The following CD3G variants were observed in gnomAD, a reference collection of about 807,000 sequenced individuals.
The protein encoded by CD3G is T-cell surface glycoprotein CD3 gamma chain.
CD3G carries 24 observed loss-of-function variants against 28.3 expected under a neutral mutation model. The observed-to-expected ratio is 0.85, with a 90% CI of 0.61 to 1.19. CD3G has a LOEUF of 1.19. Among genes scored for constraint, CD3G ranks in the 50% most tolerant of loss-of-function variants. CD3G has a pLI of 0.00. For synonymous variants in CD3G, 71 were observed against 75.9 expected (o/e 0.93, Z 0.34); for missense variants, 211 against 210.0 (o/e 1.00, Z -0.03).
intron 1 of CD3G, among the ~76,000 whole-genome samples, chr11:118,348,590 T>C (rs1948377458): frequency 1.3e-5 from 2 of 152,150 alleles, no homozygotes; most frequent in South Asian, 4.1e-4. Context: ...GCATGATTGA[T>C]TGAATCATTG....
At position 118,354,894 on chromosome 11, in the gene CD3G, C is replaced by G. The variant is rs1386049293; in HGVS notation, c.*1794C>G. The G allele has an allele frequency of 6.6e-6, 1 of 151,928 alleles. No individual in the cohort carries two copies. The highest frequency in any genetic ancestry group is 1.5e-5 in the Non-Finnish European group (1 of 67,996). The allele number at this position is 151,928 out of a possible 1,614,324, so 9.4% of individuals were successfully genotyped here. ...TATATGATTTGGAAATATTTTCTAC[C>G]AATCTGTGGTTTGTTTTTCTTAATG... is the stretch of plus-strand genomic sequence containing the variant. On this transcript the variant is annotated 3_prime_UTR_variant, in exon 7 of 7. Transcript: ENST00000532917.
chr11:118,350,620 A>G lies in CD3G; in HGVS notation c.376A>G (p.Ile126Val). 1 of 1,614,014 alleles carries G rather than the reference A, an allele frequency of 6.2e-7. No individual in the cohort carries two copies. The highest frequency in any genetic ancestry group is 1.1e-5 in the South Asian group (1 of 91,058). The change falls in exon 4 of 7, where the codon ATT (isoleucine) becomes GTT (valine). Residue 126 changes from isoleucine (I) to valine (V), a missense_variant. Physicochemically the swap from Ile to Val is conservative, Grantham distance 29 (BLOSUM62 3). Coordinates refer to ENST00000532917, the MANE Select transcript of CD3G (RefSeq NM_000073.3). ...SGFLFAEIVS[I>V]FVLAVGVYFI... is the part of the protein sequence containing the mutation. ...CTTTCTCTTTGCTGAAATCGTCAGC[A>G]TTTTCGTCCTTGCTGTTGGGGTCTA...
chr11:118,349,990 C>A lies in CD3G; in HGVS notation c.307+20C>A. ...ACAGAAGTATGTAATCCCCTTTGGT[C>A]TGTTTGTTGTGAAATTAATCAGTAT... is the stretch of plus-strand genomic sequence containing the variant. On this transcript the variant is annotated intron_variant, in intron 3 of 6. Transcript: ENST00000532917. 6.3e-7 allele frequency: 1 copy of A among 1,587,044 alleles called. No homozygotes were observed. Among genetic ancestry groups the A allele is most frequent in the South Asian group, 1.1e-5 (1 of 90,312 alleles).
chr11:118,344,919 G>A (rs1487042472), intron 1 of CD3G, among the ~76,000 whole-genome samples: 2 of 152,202 alleles, frequency 1.3e-5, no homozygotes, highest in African/African-American at 4.8e-5. Context: ...TATGCCATGA[G>A]GAAATAAAAA....
Position 118,352,435 on chromosome 11 carries a change from G to T in CD3G, c.515G>T (p.Ser172Ile), listed in dbSNP as rs993187722. The change falls in exon 6 of 7, where the codon AGC (serine) becomes ATC (isoleucine). Residue 172 changes from serine to isoleucine, a missense_variant. Transcript: ENST00000532917. Reference protein sequence around the residue: ...PLKDREDDQYSHLQGNQLRRN With the variant: ...PLKDREDDQYIHLQGNQLRRN The stretch of plus-strand genomic sequence containing the variant: ...AAGGATCGAGAAGATGACCAGTACA[G>T]CCACCTTCAAGGAAACCAGTTGAGG... 6.2e-6 allele frequency: 10 copies of T among 1,613,990 alleles called. No individual in the cohort carries two copies. In the African/African-American group the frequency reaches 1.1e-4, roughly 17 times the overall value.
Position 118,349,096 on chromosome 11 carries a change from G to A in CD3G, c.79+46G>A, listed in dbSNP as rs116282430. The A allele has an allele frequency of 5.8e-4, 939 of 1,614,008 alleles. 8 individuals carry two copies. In the African/African-American group the frequency reaches 0.011, roughly 18 times the overall value. On this transcript the variant is annotated intron_variant, in intron 2 of 6. Coordinates refer to ENST00000532917, the MANE Select transcript of CD3G (RefSeq NM_000073.3). ...CTATACTCAGACTCAGAATATTGAC[G>A]GAAATTTGGCTTCCTACAACAGTAG... is the stretch of plus-strand genomic sequence containing the variant.
intron 1 of CD3G, 74 bp from the exon 2 acceptor site, chr11:118,348,953 A>T: frequency 2.6e-6 from 4 of 1,526,518 alleles, no homozygotes; most frequent in Non-Finnish European, 3.6e-6. Context: ...GCCTCAAATA[A>T]CCATGGAAAT....
Position 118,344,498 on chromosome 11 carries a change from C to T in CD3G, c.55+20C>T, listed in dbSNP as rs370839678. The T allele has an allele frequency of 1.9e-6, 3 of 1,553,642 alleles. No homozygotes were observed. Among genetic ancestry groups the T allele is most frequent in the African/African-American group, 2.7e-5 (2 of 73,590 alleles). On this transcript the variant is annotated intron_variant, in intron 1 of 6. Transcript: ENST00000532917. ...TTCAAGGTAAGGGCCTACTAGGGGTCTGGAAGCCTGGGGAAGGGCTCAAGG... is the reference window on the plus strand; with the variant it reads ...TTCAAGGTAAGGGCCTACTAGGGGTTTGGAAGCCTGGGGAAGGGCTCAAGG...
intron 4 of CD3G, 89 bp downstream of exon 4, chr11:118,350,772 T>C: frequency 6.2e-7 from 1 of 1,605,118 alleles, no homozygotes; most frequent in African/African-American, 1.3e-5. Context: ...AGAGACTGAG[T>C]TGGTGCTTCT....
At chr11:118,346,309 T>C (rs931435612) in intron 1 of CD3G, among the ~76,000 whole-genome samples, 3 of 151,998 alleles carry the variant, frequency 2.0e-5, no homozygotes, top group African/African-American at 7.3e-5. Flanking sequence ...TGGTGGTGGG[T>C]GCCTGTAATC....
rs1396439255 is a variant in CD3G, at chr11:118,354,185, C to G, written c.*1085C>G. On this transcript the variant is annotated 3_prime_UTR_variant, in exon 7 of 7. Coordinates refer to ENST00000532917, the MANE Select transcript of CD3G (RefSeq NM_000073.3). ...ATAATGTACATGCCATAAAATCCACCCATCTTAAGTGATTTCACCTGTTCT... is the reference window on the plus strand; with the variant it reads ...ATAATGTACATGCCATAAAATCCACGCATCTTAAGTGATTTCACCTGTTCT... 6.6e-6 allele frequency: 1 copy of G among 152,024 alleles called. No individual in the cohort carries two copies. Among genetic ancestry groups the G allele is most frequent in the Non-Finnish European group, 1.5e-5 (1 of 68,012 alleles). The allele number at this position is 152,024 out of a possible 1,614,324, so 9.4% of individuals were successfully genotyped here.
In CD3G at chr11:118,351,502, A is replaced by T; in HGVS notation, c.440-126A>T. 6.0e-6 allele frequency: 5 copies of T among 836,768 alleles called. No homozygotes were observed. The South Asian group carries it at 7.1e-5, about 12-fold the overall frequency. The allele number at this position is 836,768 out of a possible 1,614,324, so 51.8% of individuals were successfully genotyped here. ...GCTTCTTTCACTCAACAACATGTTTATGTGCTTTATCCATACTCTTGTGTA... is the reference window on the plus strand; with the variant it reads ...GCTTCTTTCACTCAACAACATGTTTTTGTGCTTTATCCATACTCTTGTGTA... On this transcript the variant is annotated intron_variant, in intron 4 of 6. Transcript: ENST00000532917.
intron 4 of CD3G, chr11:118,350,889 G>GGAA: frequency 4.8e-6 from 3 of 628,666 alleles, no homozygotes; most frequent in African/African-American, 2.8e-5. Flanking sequence ...CTCCCTCTGT[G>GGAA]AAAAAAAAAA....
In CD3G at chr11:118,349,852, C is replaced by T. The variant is rs180793518; in HGVS notation, c.189C>T (p.Gly63=). ...GGTTTAAAGATGGGAAGATGATCGG[C>T]TTCCTAACTGAAGATAAAAAAAAAT... ...ITWFKDGKMI[G]FLTEDKKKWN... The change falls in exon 3 of 7, where the codon GGC becomes GGT. Residue 63 remains glycine, a synonymous_variant. Transcript: ENST00000532917. 24 of 1,614,006 alleles carry T rather than the reference C, an allele frequency of 1.5e-5. No homozygotes were observed. In the Admixed American group the frequency reaches 2.5e-4, roughly 17 times the overall value.
intron 3 of CD3G, 88 bp from the exon 4 acceptor site, chr11:118,350,464 A>G: frequency 1.1e-6 from 1 of 942,900 alleles, no homozygotes; most frequent in Non-Finnish European, 1.7e-6. Flanking sequence ...TGCCCTCCAC[A>G]GCGGCATTAT....
In CD3G at chr11:118,352,471, C is replaced by G. The variant is rs369410994; in HGVS notation, c.*2C>G. On this transcript the variant is annotated 3_prime_UTR_variant, in exon 6 of 7. Transcript: ENST00000532917. ...GGAAACCAGTTGAGGAGGAATTGAA[C>G]TCAGGACTCAGAGTAGGTGGGTTCT... 16 of 1,612,604 alleles carry G rather than the reference C, an allele frequency of 9.9e-6. No homozygotes were observed. The African/African-American group carries it at 1.9e-4, about 19-fold the overall frequency.
chr11:118,344,362 G>T lies in CD3G; in HGVS notation c.-62G>T, dbSNP rs993869702. ...TGGAGCCAGTCTAGCTGCTGCACAG[G>T]CTGGCTGGCTGGCTGGCTGCTAAGG... On this transcript the variant is annotated 5_prime_UTR_variant, in exon 1 of 7. Transcript: ENST00000532917. 2 of 628,882 alleles carry T rather than the reference G, an allele frequency of 3.2e-6. No homozygotes were observed. Among genetic ancestry groups the T allele is most frequent in the African/African-American group, 6.4e-5 (2 of 31,026 alleles). 39.0% of individuals were successfully genotyped at this position (628,882 alleles called of 1,614,324 possible). A position where few individuals can be genotyped will look rare whatever the true frequency, so the allele number is the denominator to read the frequency against.
intron 2 of CD3G, chr11:118,349,284 C>T: frequency 7.0e-7 from 1 of 1,435,870 alleles, no homozygotes. Context: ...ACCCTAGTAG[C>T]TAGGGACACA....
chr11:118,351,580 T>A (rs781256196), intron 4 of CD3G, 48 bp from the exon 5 acceptor site: 10 of 1,594,696 alleles, frequency 6.3e-6, no homozygotes, highest in Non-Finnish European at 8.6e-6. Flanking sequence ...TATAACCCAA[T>A]TTATTATGCA....
Sources: allele counts gnomAD v4.1 joint callset (sites outside exome capture counted in the v4.1 genomes callset), GRCh38; gene constraint gnomAD v4.1.1; transcripts MANE v1.5; gene names NCBI Gene and HGNC (gene_info 2026-07-23, HGNC 2026-07-21).